The following DIS3L2 variants were observed in gnomAD, a reference collection of about 807,000 sequenced individuals.
DIS3L2 encodes the protein DIS3 like 3'-5' exoribonuclease 2, also known as DIS3-like exonuclease 2.
In DIS3L2, 34 loss-of-function variants were observed where a neutral mutation model predicts 97.5. That is an observed-to-expected ratio of 0.35 (90% CI 0.27 to 0.46). The LOEUF (loss-of-function observed/expected upper bound fraction) is 0.46, where lower values mean the gene tolerates loss of function less well. DIS3L2 is among the 20% of genes least tolerant of loss of function. The pLI, the probability that DIS3L2 is intolerant of heterozygous loss-of-function variation, is 1.00. For missense variants in DIS3L2, 1,038 were observed against 1,146.0 expected (o/e 0.91, Z 1.36); for synonymous variants, 435 against 445.2 (o/e 0.98, Z 0.29).
At chr2:232,158,552 T>C (rs1690563998) in intron 8 of DIS3L2, among the ~76,000 whole-genome samples, 1 of 152,228 alleles carries the variant, frequency 6.6e-6, no homozygotes. Context: ...ATGAGGAATT[T>C]AGAATGAAGA....
chr2:232,304,461 T>C (rs1024061477), intron 14 of DIS3L2, among the ~76,000 whole-genome samples: 2 of 152,222 alleles, frequency 1.3e-5, no homozygotes, highest in African/African-American at 4.8e-5. Flanking sequence ...TGGGATGATA[T>C]GCACTTTGGC....
chr2:232,239,479 T>C (rs1199707502), intron 11 of DIS3L2, among the ~76,000 whole-genome samples: 3 of 152,224 alleles, frequency 2.0e-5, no homozygotes, highest in Admixed American at 6.5e-5. Context: ...CCTTCTCTGA[T>C]CCTCTGCTCA....
At position 232,130,892 on chromosome 2, in the gene DIS3L2, A is replaced by C. The variant is rs560118106; in HGVS notation, c.702+173A>C. 1.2e-4 allele frequency: 110 copies of C among 955,028 alleles called. No homozygotes were observed. The South Asian group carries it at 2.7e-3, about 24-fold the overall frequency. The allele number at this position is 955,028 out of a possible 1,614,324, so 59.2% of individuals were successfully genotyped here. On this transcript the variant is annotated intron_variant, in intron 7 of 20. Transcript: ENST00000325385. ...AAAAACTTTAAACATATAAATACGA[A>C]TCCATCTTCCTGCCTTTGGATAAGG...
At chr2:231,999,328 TAG>T in intron 1 of DIS3L2, among the ~76,000 whole-genome samples, 1 of 152,334 alleles carries the variant, frequency 6.6e-6, no homozygotes, top group Middle Eastern at 3.4e-3. Context: ...ATCTAGGCAC[TAG>T]ATATGCTCAT....
chr2:231,971,115 C>T (rs2106163688), intron 1 of DIS3L2, among the ~76,000 whole-genome samples: 1 of 152,298 alleles, frequency 6.6e-6, no homozygotes, highest in East Asian at 1.9e-4. Context: ...TGGATACCTC[C>T]TGAGGGACCT....
chr2:231,976,989 T>C (rs1574779845), intron 1 of DIS3L2, among the ~76,000 whole-genome samples: 1 of 151,832 alleles, frequency 6.6e-6, no homozygotes, highest in Non-Finnish European at 1.5e-5. Context: ...GGATGGTCTC[T>C]ATCTCCTGAC....
intron 13 of DIS3L2, among the ~76,000 whole-genome samples, chr2:232,283,532 A>T (rs564261966): frequency 1.5e-4 from 23 of 152,074 alleles, no homozygotes; most frequent in Non-Finnish European, 2.9e-4. Flanking sequence ...TGTTGGAACT[A>T]CAGGTGTTGT....
chr2:232,326,823 C>T (rs1183982890), intron 14 of DIS3L2, among the ~76,000 whole-genome samples: 4 of 151,674 alleles, frequency 2.6e-5, no homozygotes, highest in African/African-American at 4.9e-5. Context: ...AGGTGGGCCT[C>T]TCCTCCATAG....
chr2:232,075,330 G>A (rs538405449), intron 5 of DIS3L2, among the ~76,000 whole-genome samples: 18 of 152,308 alleles, frequency 1.2e-4, no homozygotes, highest in South Asian at 4.1e-4. Flanking sequence ...GCACAGGGAC[G>A]ATTGTGCAAT....
At chr2:232,328,878 AAG>A (rs1186803334) in intron 14 of DIS3L2, 1 of 152,228 alleles carries the variant, frequency 6.6e-6, no homozygotes, top group Non-Finnish European at 1.5e-5. Flanking sequence ...AGGCGGGAAA[AAG>A]AAGTGCGTGG....
At chr2:232,252,364 G>A (rs556052437) in intron 12 of DIS3L2, among the ~76,000 whole-genome samples, 5 of 152,230 alleles carry the variant, frequency 3.3e-5, no homozygotes, top group Admixed American at 6.5e-5. Context: ...AGCTGAGATC[G>A]TGCCATTGCA....
chr2:232,114,325 A>G (rs1003085300), intron 6 of DIS3L2, among the ~76,000 whole-genome samples: 4 of 152,022 alleles, frequency 2.6e-5, no homozygotes, highest in Admixed American at 2.6e-4. Context: ...TAGAATTGAC[A>G]TGGTTCCACG....
At chr2:232,166,351 C>T (rs761747653) in intron 9 of DIS3L2, among the ~76,000 whole-genome samples, 19 of 152,334 alleles carry the variant, frequency 1.2e-4, no homozygotes, top group South Asian at 4.1e-4. Context: ...CGTGCGCGCG[C>T]GCCCTGTGAA....
chr2:232,270,245 A>G (rs1315763155), intron 13 of DIS3L2, among the ~76,000 whole-genome samples: 1 of 152,188 alleles, frequency 6.6e-6, no homozygotes, highest in Non-Finnish European at 1.5e-5. Context: ...ATGTTAGAAA[A>G]TTTAGAAAAT....
intron 6 of DIS3L2, among the ~76,000 whole-genome samples, chr2:232,125,289 A>G (rs1285108974): frequency 1.3e-5 from 2 of 152,222 alleles, no homozygotes; most frequent in Non-Finnish European, 2.9e-5. Flanking sequence ...CTTCCAACAT[A>G]GGAGCGAGCT....
intron 6 of DIS3L2, among the ~76,000 whole-genome samples, chr2:232,124,060 A>G (rs74564720): frequency 0.015 from 2,333 of 152,332 alleles, 63 homozygotes; most frequent in African/African-American, 0.054. Flanking sequence ...CAGGCATCCA[A>G]GGAAATCATA....
intron 1 of DIS3L2, among the ~76,000 whole-genome samples, chr2:232,009,227 A>G (rs12479334): frequency 0.11 from 17,006 of 152,204 alleles, 1,186 homozygotes; most frequent in African/African-American, 0.2. Context: ...GATAGCTTTT[A>G]TTGAAACTTG....
intron 8 of DIS3L2, among the ~76,000 whole-genome samples, chr2:232,143,617 A>T (rs911331207): frequency 1.3e-5 from 2 of 152,158 alleles, no homozygotes; most frequent in Admixed American, 6.5e-5. Flanking sequence ...AACGATCACT[A>T]TTAAGGTTTT....
chr2:232,117,055 C>T (rs1697744885), intron 6 of DIS3L2, among the ~76,000 whole-genome samples: 1 of 152,184 alleles, frequency 6.6e-6, no homozygotes, highest in Non-Finnish European at 1.5e-5. Flanking sequence ...CTCATTTCAG[C>T]CCTGTTTCAG....
Sources: gnomAD v4.1 joint callset for allele counts (sites outside exome capture counted in the v4.1 genomes callset) on GRCh38, gnomAD v4.1.1 for gene constraint, MANE v1.5 for transcripts, NCBI Gene and HGNC (gene_info 2026-07-23, HGNC 2026-07-21) for gene names.